The following EMILIN1 variants were observed in gnomAD, a reference collection of about 807,000 sequenced individuals.
The protein encoded by EMILIN1 is EMILIN-1.
A neutral mutation model predicts 82.4 loss-of-function variants in EMILIN1; 49 were observed. That is an observed-to-expected ratio of 0.59 (90% CI 0.47 to 0.75). The LOEUF (loss-of-function observed/expected upper bound fraction) is 0.75, where lower values mean the gene tolerates loss of function less well. Ranked by LOEUF, EMILIN1 falls within the 30% of genes least tolerant of loss-of-function variation. The probability of loss-of-function intolerance (pLI) is 0.00; values close to 1 mark genes in which losing one functional copy is unlikely to be tolerated. For synonymous variants in EMILIN1, 604 were observed against 602.2 expected, an observed-to-expected ratio of 1.00 and a Z score of -0.04; for missense variants, 1,313 against 1,366.4, an observed-to-expected ratio of 0.96 and a Z score of 0.62.
In EMILIN1 at chr2:27,084,947, G is replaced by A. The variant is rs557816611; in HGVS notation, c.2558-44G>A. ...GCAGATGTTTGCTGAGTGACTTAGT[G>A]AGAGCTGCTTTATTTCTCACTGCTC... is the stretch of plus-strand genomic sequence containing the variant. On this transcript the variant is annotated intron_variant, in intron 5 of 7. Coordinates refer to ENST00000380320, the MANE Select transcript of EMILIN1 (RefSeq NM_007046.4). The A allele has an allele frequency of 4.2e-5, 68 of 1,601,390 alleles. No individual in the cohort carries two copies. The South Asian group carries it at 7.3e-4, about 17-fold the overall frequency.
rs958333139 is a variant in EMILIN1, at chr2:27,082,792, G to T, written c.1221G>T (p.Leu407=). 1 of 1,547,636 alleles carries T rather than the reference G, an allele frequency of 6.5e-7. No homozygotes were observed. The highest frequency in any genetic ancestry group is 1.9e-5 in the Admixed American group (1 of 51,658). The change falls in exon 4 of 8, where the codon CTG becomes CTT. Residue 407 remains leucine (L), a synonymous_variant. Coordinates refer to ENST00000380320, the MANE Select transcript of EMILIN1 (RefSeq NM_007046.4). The part of the protein sequence containing the change: ...PPGYTSLASR[L]SRLEDRFNST... ...GCTACACCAGCTTGGCCTCCCGCCTGTCTCGCCTGGAGGACCGCTTCAACT... is the reference window on the plus strand; with the variant it reads ...GCTACACCAGCTTGGCCTCCCGCCTTTCTCGCCTGGAGGACCGCTTCAACT...
chr2:27,081,953 C>G, intron 3 of EMILIN1, 130 bp from the exon 4 acceptor site: 1 of 1,166,974 alleles, frequency 8.6e-7, no homozygotes, highest in African/African-American at 1.6e-5. Flanking sequence ...CTTTTTTTTT[C>G]TCTTGCCAAA....
At position 27,085,010 on chromosome 2, in the gene EMILIN1, T is replaced by C; in HGVS notation, c.2575+2T>C. On this transcript the variant is annotated splice_donor_variant, in intron 6 of 7. Coordinates refer to ENST00000380320, the MANE Select transcript of EMILIN1 (RefSeq NM_007046.4). LOFTEE classifies it high-confidence loss of function. ...TCACAGGTCCTCAAGGTGAACAGGGTGAGTGCCTTTCATTTGATTCTGGAG... is the reference window on the plus strand; with the variant it reads ...TCACAGGTCCTCAAGGTGAACAGGGCGAGTGCCTTTCATTTGATTCTGGAG... 1 of 1,613,866 alleles carries C rather than the reference T, an allele frequency of 6.2e-7. No homozygotes were observed. Among genetic ancestry groups the C allele is most frequent in the South Asian group, 1.1e-5 (1 of 91,072 alleles).
At chr2:27,084,352 A>G in intron 4 of EMILIN1, 63 bp from the exon 5 acceptor site, 1 of 980,500 alleles carries the variant, frequency 1.0e-6, no homozygotes, top group Non-Finnish European at 1.6e-6. Context: ...GCCACCACCC[A>G]CCTTCCTTAC....
Position 27,080,942 on chromosome 2 carries a change from G to A in EMILIN1, c.501G>A (p.Leu167=), listed in dbSNP as rs548954244. Residue 167 remains leucine, a synonymous_variant, in exon 3 of 8, where the codon CTG becomes CTA. Coordinates refer to ENST00000380320, the MANE Select transcript of EMILIN1 (RefSeq NM_007046.4). ...GSSAGSPLSG[L]GGEGPGESEK... is the part of the protein sequence containing the mutation. Reference sequence around the variant, plus strand: ...GTGCAGGCAGCCCCCTCAGTGGACTGGGGGGAGAAGGTGAGTGTGGGAGCT... The same window carrying A: ...GTGCAGGCAGCCCCCTCAGTGGACTAGGGGGAGAAGGTGAGTGTGGGAGCT... 8.8e-6 allele frequency: 14 copies of A among 1,585,212 alleles called. No individual in the cohort carries two copies. Among genetic ancestry groups the A allele is most frequent in the Admixed American group, 5.4e-5 (3 of 55,960 alleles).
At chr2:27,084,952 C>G in intron 5 of EMILIN1, 39 bp from the exon 6 acceptor site, 1 of 1,604,178 alleles carries the variant, frequency 6.2e-7, no homozygotes, top group Non-Finnish European at 8.5e-7. Flanking sequence ...TTAGTGAGAG[C>G]TGCTTTATTT....
intron 1 of EMILIN1, 140 bp downstream of exon 1, chr2:27,079,375 GC>G: frequency 1.5e-5 from 11 of 714,452 alleles, no homozygotes; most frequent in Non-Finnish European, 2.4e-5. Flanking sequence ...CTCCTCACAT[GC>G]CCACCTTCCC....
Position 27,083,489 on chromosome 2 carries a change from C to G in EMILIN1, c.1918C>G (p.Leu640Val). The change falls in exon 4 of 8, where the codon CTG (leucine) becomes GTG (valine). Residue 640 changes from leucine (L) to valine (V), a missense_variant. Leu to Val is a conservative substitution (Grantham distance 32). Coordinates refer to ENST00000380320, the MANE Select transcript of EMILIN1 (RefSeq NM_007046.4). ...GTTTGGGGGCAGCTCAGGCTCAGCC[C>G]TGCAGGCCCTGCAAGGAGAGCTCTC... Reference protein sequence around the residue: ...SVFGGSSGSALQALQGELSEV... With the variant: ...SVFGGSSGSAVQALQGELSEV... 1 of 1,613,684 alleles carries G rather than the reference C, an allele frequency of 6.2e-7. No individual in the cohort carries two copies. Among genetic ancestry groups the G allele is most frequent in the Non-Finnish European group, 8.5e-7 (1 of 1,179,898 alleles).
rs1271164958 is a variant in EMILIN1, at chr2:27,083,321, G to A, written c.1750G>A (p.Ala584Thr). 4.3e-6 allele frequency: 7 copies of A among 1,613,236 alleles called. No individual in the cohort carries two copies. Among genetic ancestry groups the A allele is most frequent in the African/African-American group, 1.3e-5 (1 of 74,934 alleles). The change falls in exon 4 of 8, where the codon GCC (alanine) becomes ACC (threonine). Residue 584 changes from alanine to threonine, a missense_variant. Physicochemically the swap from Ala to Thr is moderately conservative, Grantham distance 58. Transcript: ENST00000380320. The stretch of plus-strand genomic sequence containing the variant: ...GGCCCATGGGGATGAGGGCTGTGGG[G>A]CCTGTGGCGGAGTCCAAGAGGAACT... ...LQAHGDEGCG[A>T]CGGVQEELGR...
In EMILIN1 at chr2:27,082,593, C is replaced by T; in HGVS notation, c.1022C>T (p.Ala341Val). 1 of 1,543,164 alleles carries T rather than the reference C, an allele frequency of 6.5e-7. No individual in the cohort carries two copies. The highest frequency in any genetic ancestry group is 8.7e-7 in the Non-Finnish European group (1 of 1,145,808). The change falls in exon 4 of 8, where the codon GCA (alanine) becomes GTA (valine). Residue 341 changes from alanine to valine, a missense_variant. Transcript: ENST00000380320. ...GTGGAGGAGCGGCAACGGCACCTCG[C>T]AGGGCTGGCGGTGGGCCGCAGGCCC... ...ASVEERQRHL[A>V]GLAVGRRPPQ... is the part of the protein sequence containing the mutation.
Position 27,083,969 on chromosome 2 carries a change from C to G in EMILIN1, c.2398C>G (p.Leu800Val). ...LGALNSSLQL[L>V]EDRLHQLSLK... ...TGCCCTTAACAGCTCCCTGCAGCTC[C>G]TGGAGGACCGTCTGCACCAGCTCAG... is the stretch of plus-strand genomic sequence containing the variant. Residue 800 changes from leucine (L) to valine (V), a missense_variant, in exon 4 of 8, where the codon CTG becomes GTG. Coordinates refer to ENST00000380320, the MANE Select transcript of EMILIN1 (RefSeq NM_007046.4). 1 of 1,552,930 alleles carries G rather than the reference C, an allele frequency of 6.4e-7. No individual in the cohort carries two copies. Among genetic ancestry groups the G allele is most frequent in the Non-Finnish European group, 8.7e-7 (1 of 1,145,672 alleles).
chr2:27,084,982 T>C lies in EMILIN1; in HGVS notation c.2558-9T>C, dbSNP rs755473985. On this transcript the variant is annotated splice_polypyrimidine_tract_variant and intron_variant, in intron 5 of 7. Coordinates refer to ENST00000380320, the MANE Select transcript of EMILIN1 (RefSeq NM_007046.4). ...TTATTTCTCACTGCTCCCTTTCCTC[T>C]TCTCACAGGTCCTCAAGGTGAACAG... is the stretch of plus-strand genomic sequence containing the variant. 6 of 1,613,452 alleles carry C rather than the reference T, an allele frequency of 3.7e-6. No individual in the cohort carries two copies. The highest frequency in any genetic ancestry group is 5.1e-6 in the Non-Finnish European group (6 of 1,179,480).
chr2:27,083,902 G>A lies in EMILIN1; in HGVS notation c.2331G>A (p.Glu777=). 3 of 1,608,806 alleles carry A rather than the reference G, an allele frequency of 1.9e-6. No individual in the cohort carries two copies. The highest frequency in any genetic ancestry group is 2.5e-6 in the Non-Finnish European group (3 of 1,176,648). ...GCCAGATGCAGGCAGCCCTGCTGGAGAAGCTGGTCGGGGGACAGGCGGGCC... is the reference window on the plus strand; with the variant it reads ...GCCAGATGCAGGCAGCCCTGCTGGAAAAGCTGGTCGGGGGACAGGCGGGCC... ...TTSQMQAALL[E]KLVGGQAGLG... Residue 777 remains glutamate, a synonymous_variant, in exon 4 of 8, where the codon GAG becomes GAA. Coordinates refer to ENST00000380320, the MANE Select transcript of EMILIN1 (RefSeq NM_007046.4).
rs1572845896 is a variant in EMILIN1, at chr2:27,082,089, G to C, written c.518G>C (p.Gly173Ala). ...PLSGLGGEGP[G>A]ESEKVQQLEE... is the part of the protein sequence containing the mutation. ...TGCCTTCCCCTCTCCTCAGGTCCTGGGGAGTCAGAGAAGGTGCAGCAGCTG... is the reference window on the plus strand; with the variant it reads ...TGCCTTCCCCTCTCCTCAGGTCCTGCGGAGTCAGAGAAGGTGCAGCAGCTG... Residue 173 changes from glycine to alanine, a missense_variant, in exon 4 of 8, where the codon GGG becomes GCG. Physicochemically the swap from Gly to Ala is moderately conservative, Grantham distance 60. Coordinates refer to ENST00000380320, the MANE Select transcript of EMILIN1 (RefSeq NM_007046.4). 1 of 1,611,524 alleles carries C rather than the reference G, an allele frequency of 6.2e-7. No homozygotes were observed. Among genetic ancestry groups the C allele is most frequent in the Non-Finnish European group, 8.5e-7 (1 of 1,178,946 alleles).
chr2:27,079,250 C>A lies in EMILIN1; in HGVS notation c.170+15C>A. 1 of 1,539,144 alleles carries A rather than the reference C, an allele frequency of 6.5e-7. No homozygotes were observed. Among genetic ancestry groups the A allele is most frequent in the Non-Finnish European group, 8.7e-7 (1 of 1,151,764 alleles). ...AGCCGCCACAGGTAAGAGTCTGGAT[C>A]CCAGCCCGAGGCTTGGGTGGTGAGG... On this transcript the variant is annotated intron_variant, in intron 1 of 7. Transcript: ENST00000380320.
chr2:27,085,132 C>A, intron 6 of EMILIN1, 28 bp from the exon 7 acceptor site: 2 of 1,613,986 alleles, frequency 1.2e-6, no homozygotes, highest in Non-Finnish European at 1.7e-6. Flanking sequence ...CCTGAGCATC[C>A]CCTTTAACAT....
chr2:27,084,462 C>A lies in EMILIN1; in HGVS notation c.2488C>A (p.Pro830Thr). ...GPPGPPGLQG[P>T]PGPAGPPGSP... is the part of the protein sequence containing the mutation. Reference sequence around the variant, plus strand: ...CCCAGGGCCTCCTGGGCTGCAGGGACCCCCAGGCCCTGCTGGACCTCCAGG... The same window carrying A: ...CCCAGGGCCTCCTGGGCTGCAGGGAACCCCAGGCCCTGCTGGACCTCCAGG... The change falls in exon 5 of 8, where the codon CCC (proline) becomes ACC (threonine). Residue 830 changes from proline to threonine, a missense_variant. Coordinates refer to ENST00000380320, the MANE Select transcript of EMILIN1 (RefSeq NM_007046.4). The A allele has an allele frequency of 6.2e-7, 1 of 1,612,744 alleles. No homozygotes were observed. The highest frequency in any genetic ancestry group is 8.5e-7 in the Non-Finnish European group (1 of 1,179,598).
In EMILIN1 at chr2:27,085,288, C is replaced by G. The variant is rs761268599; in HGVS notation, c.2704C>G (p.Pro902Ala). The G allele has an allele frequency of 1.9e-6, 3 of 1,613,892 alleles. No homozygotes were observed. Among genetic ancestry groups the G allele is most frequent in the African/African-American group, 2.7e-5 (2 of 74,942 alleles). Residue 902 changes from proline (P) to alanine (A), a missense_variant, in exon 7 of 8, where the codon CCA (proline) becomes GCA (alanine). Transcript: ENST00000380320. Reference sequence around the variant, plus strand: ...GCTCAATGATGGAGGCTATTATGATCCAGAGACAGGTAGTCCTGGGAGGGG... The same window carrying G: ...GCTCAATGATGGAGGCTATTATGATGCAGAGACAGGTAGTCCTGGGAGGGG... ...VLLNDGGYYD[P>A]ETGVFTAPLA...
At chr2:27,081,953 C>A in intron 3 of EMILIN1, 130 bp from the exon 4 acceptor site, 1 of 1,166,958 alleles carries the variant, frequency 8.6e-7, no homozygotes. Flanking sequence ...CTTTTTTTTT[C>A]TCTTGCCAAA....
Sources: gnomAD v4.1 joint callset for allele counts on GRCh38, gnomAD v4.1.1 for gene constraint, MANE v1.5 for transcripts, NCBI Gene and HGNC (gene_info 2026-07-23, HGNC 2026-07-21) for gene names.